The following PCDH11Y variants were observed in gnomAD, a reference collection of about 807,000 sequenced individuals.
PCDH11Y encodes the protein protocadherin 11 Y-linked.
For synonymous variants in PCDH11Y, 9 were observed against 83.6 expected (o/e 0.11, Z 4.87); for missense variants, 12 against 224.8 (o/e 0.05, Z 6.05).
At chrY:5,672,701 G>A (rs2053550685) in intron 4 of PCDH11Y, among the ~76,000 whole-genome samples, 1 of 31,137 alleles carries the variant, frequency 3.2e-5, no homozygotes, top group Non-Finnish European at 7.9e-5. Flanking sequence ...TTGTCAATTT[G>A]TTTAACTTTC....
chrY:5,208,291 A>G, intron 2 of PCDH11Y, among the ~76,000 whole-genome samples: 1 of 33,212 alleles, frequency 3.0e-5, no homozygotes, highest in Non-Finnish European at 7.4e-5. Context: ...TATGGGAATT[A>G]TGGGAGCTAC....
intron 2 of PCDH11Y, among the ~76,000 whole-genome samples, chrY:5,482,188 C>A: frequency 6.4e-5 from 2 of 31,216 alleles, no homozygotes; most frequent in Non-Finnish European, 1.5e-4. Flanking sequence ...TTAGTAGAGA[C>A]TGGTTTCACT....
At chrY:5,335,013 A>AG (rs2053135055) in intron 2 of PCDH11Y, among the ~76,000 whole-genome samples, 1 of 31,248 alleles carries the variant, frequency 3.2e-5, no homozygotes, top group South Asian at 7.7e-4. Flanking sequence ...CCAAATTTAA[A>AG]GGGGAAAGGG....
At chrY:5,038,459 C>G (rs1389784277) in intron 3 of PCDH11Y, among the ~76,000 whole-genome samples, 448 of 28,973 alleles carry the variant, frequency 0.015, no homozygotes, top group Admixed American at 0.1. Flanking sequence ...GGTGAGTATT[C>G]CAAACTCCTA....
chrY:5,071,746 C>T, intron 1 of PCDH11Y, among the ~76,000 whole-genome samples: 1 of 32,008 alleles, frequency 3.1e-5, no homozygotes, highest in East Asian at 8.4e-4. Context: ...GGCATTGCTA[C>T]ATTCGTTTTG....
intron 1 of PCDH11Y, among the ~76,000 whole-genome samples, chrY:5,065,400 T>C: frequency 3.0e-5 from 1 of 32,824 alleles, no homozygotes; most frequent in African/African-American, 1.2e-4. Context: ...TTATGTAGCA[T>C]GCAGGGATAT....
rs2053111363 is a variant in PCDH11Y, at chrY:5,320,459, T to C, written c.3130-180598T>C. On this transcript the variant is annotated intron_variant, in intron 2 of 4. Transcript: ENST00000400457. ...GCAACAGAGTTGATTCTGAATTACT[T>C]TTTGCTATTCAAGTTCCAAGACGAA... 9.3e-4 allele frequency among the ~76,000 whole-genome samples: 31 copies of C among 33,508 alleles called. No homozygotes were observed. In the South Asian group the frequency reaches 0.02, roughly 22 times the overall value. 89.9% of individuals were successfully genotyped at this position (33,508 alleles called of 37,273 possible). A position where few individuals can be genotyped will look rare whatever the true frequency, so the allele number is the denominator to read the frequency against.
intron 2 of PCDH11Y, among the ~76,000 whole-genome samples, chrY:5,158,852 T>C: frequency 2.9e-4 from 9 of 30,619 alleles, no homozygotes; most frequent in Non-Finnish European, 7.8e-5. Context: ...TTTTGTACAA[T>C]TTCTTACACT....
chrY:5,128,787 C>T (rs2052829018), intron 2 of PCDH11Y, among the ~76,000 whole-genome samples: 1 of 33,310 alleles, frequency 3.0e-5, no homozygotes, highest in African/African-American at 1.2e-4. Context: ...GCAAACACAA[C>T]GCCTTTATTA....
intron 3 of PCDH11Y, among the ~76,000 whole-genome samples, chrY:5,581,224 A>G: frequency 3.0e-5 from 1 of 33,093 alleles, no homozygotes; most frequent in Non-Finnish European, 7.5e-5. Context: ...CAATGGTATT[A>G]TAGAAAAAGT....
At chrY:5,701,990 C>G in intron 4 of PCDH11Y, among the ~76,000 whole-genome samples, 2 of 33,278 alleles carry the variant, frequency 6.0e-5, no homozygotes, top group African/African-American at 1.2e-4. Context: ...CCACTGGATT[C>G]TAGAATTGCA....
chrY:5,551,735 C>G (rs2053418736), intron 3 of PCDH11Y, among the ~76,000 whole-genome samples: 1 of 32,184 alleles, frequency 3.1e-5, no homozygotes, highest in South Asian at 7.2e-4. Flanking sequence ...ATAAGACACT[C>G]AATAGAAAGG....
At chrY:5,415,166 T>C in intron 2 of PCDH11Y, among the ~76,000 whole-genome samples, 1 of 33,646 alleles carries the variant, frequency 3.0e-5, no homozygotes, top group Admixed American at 2.7e-4. Flanking sequence ...TCATTTCTGG[T>C]ACATTTTGGT....
chrY:5,233,952 T>G, intron 2 of PCDH11Y, among the ~76,000 whole-genome samples: 1 of 32,634 alleles, frequency 3.1e-5, no homozygotes, highest in Non-Finnish European at 7.5e-5. Context: ...ATGAGAACAG[T>G]GTTAAGGAAA....
At chrY:5,418,309 C>A (rs2053254999) in intron 2 of PCDH11Y, among the ~76,000 whole-genome samples, 1 of 31,372 alleles carries the variant, frequency 3.2e-5, no homozygotes, top group Non-Finnish European at 7.8e-5. Context: ...AGAAGACAAA[C>A]AAGTAGAATA....
rs2053185102 is a variant in PCDH11Y, at chrY:5,369,352, CT to C, written c.3130-131703del. Among the ~76,000 whole-genome samples, 3 of 33,235 alleles carry C rather than the reference CT, an allele frequency of 9.0e-5. No homozygotes were observed. In the South Asian group the frequency reaches 2.1e-3, roughly 23 times the overall value. 89.2% of individuals were successfully genotyped at this position (33,235 alleles called of 37,273 possible). On this transcript the variant is annotated intron_variant, in intron 2 of 4. Coordinates refer to the PCDH11Y transcript ENST00000400457. ...GCTATTCTCATGATAGTGAATACGT[CT>C]TATGAGATCTGATAGGTGTATCAGG...
At chrY:5,509,468 GTA>G (rs2053362112) in intron 3 of PCDH11Y, among the ~76,000 whole-genome samples, 1 of 30,298 alleles carries the variant, frequency 3.3e-5, no homozygotes, top group Non-Finnish European at 7.9e-5. Flanking sequence ...GTACGTGTGT[GTA>G]TGATTACTTC....
chrY:5,506,887 T>A, intron 3 of PCDH11Y, among the ~76,000 whole-genome samples: 3 of 32,652 alleles, frequency 9.2e-5, no homozygotes, highest in East Asian at 7.9e-4. Context: ...CTACTGAAAA[T>A]TTAAAAATTT....
At chrY:5,339,150 T>G (rs71201616) in intron 2 of PCDH11Y, among the ~76,000 whole-genome samples, 1 of 32,588 alleles carries the variant, frequency 3.1e-5, no homozygotes, top group Non-Finnish European at 7.5e-5. Context: ...AGTTTCTGCT[T>G]CTTCTTCCTT....
Sources: gnomAD v4.1 joint callset for allele counts (sites outside exome capture counted in the v4.1 genomes callset) on GRCh38, gnomAD v4.1.1 for gene constraint, MANE v1.5 for transcripts, NCBI Gene and HGNC (gene_info 2026-07-23, HGNC 2026-07-21) for gene names.